TNKS: variants seen among roughly 807,000 people sequenced by gnomAD.
TNKS encodes the protein poly [ADP-ribose] polymerase tankyrase-1.
TNKS carries 72 observed loss-of-function variants against 135.8 expected under a neutral mutation model. That is an observed-to-expected ratio of 0.53 (90% CI 0.44 to 0.64). The LOEUF (loss-of-function observed/expected upper bound fraction) is 0.64, where lower values mean the gene tolerates loss of function less well. TNKS is among the 30% of genes least tolerant of loss of function. The pLI is 0.00. For synonymous variants in TNKS, 849 were observed against 649.3 expected (o/e 1.31, Z -4.68); for missense variants, 1,769 against 1,674.0 (o/e 1.06, Z -0.99).
intron 18 of TNKS, among the ~76,000 whole-genome samples, chr8:9,749,237 AC>A (rs1806392116): frequency 6.6e-6 from 1 of 152,190 alleles, no homozygotes; most frequent in Admixed American, 6.5e-5. Context: ...CCCTGTGAAT[AC>A]AAATTAAATC....
intron 2 of TNKS, among the ~76,000 whole-genome samples, chr8:9,600,789 A>G (rs2128758824): frequency 6.6e-6 from 1 of 152,328 alleles, no homozygotes; most frequent in South Asian, 2.1e-4. Flanking sequence ...TATATGAAAG[A>G]CAAAGACTTT....
chr8:9,611,060 C>T (rs1799441991), intron 2 of TNKS, among the ~76,000 whole-genome samples: 1 of 152,138 alleles, frequency 6.6e-6, no homozygotes, highest in Non-Finnish European at 1.5e-5. Flanking sequence ...ATCGTGTGTC[C>T]TTCTTGACAT....
intron 1 of TNKS, 120 bp from the exon 2 acceptor site, chr8:9,580,039 C>G: frequency 1.3e-6 from 1 of 759,992 alleles, no homozygotes. Flanking sequence ...TGTTTTACAC[C>G]ATTTACTATA....
At position 9,580,219 on chromosome 8, in the gene TNKS, G is replaced by T. The variant is rs1330658210; in HGVS notation, c.734G>T (p.Arg245Leu). Residue 245 changes from arginine (R) to leucine (L), a missense_variant, in exon 2 of 27, where the codon CGT becomes CTT. Physicochemically the swap from Arg to Leu is moderately radical, Grantham distance 102 (BLOSUM62 -2). Transcript: ENST00000310430. ...CAGATGGGTGCTAATGTCCACGCTCGTGATGATGGAGGTCTCATCCCGCTT... is the reference window on the plus strand; with the variant it reads ...CAGATGGGTGCTAATGTCCACGCTCTTGATGATGGAGGTCTCATCCCGCTT... ...LLQMGANVHA[R>L]DDGGLIPLHN... is the part of the protein sequence containing the mutation. 1 of 1,613,972 alleles carries T rather than the reference G, an allele frequency of 6.2e-7. No homozygotes were observed. The highest frequency in any genetic ancestry group is 8.5e-7 in the Non-Finnish European group (1 of 1,180,030).
intron 23 of TNKS, 57 bp downstream of exon 23, chr8:9,764,847 A>C: frequency 7.2e-7 from 1 of 1,386,916 alleles, no homozygotes; most frequent in African/African-American, 1.5e-5. Flanking sequence ...CTAAAAACCA[A>C]ATCTAGACAA....
At chr8:9,761,436 G>T (rs1807142761) in intron 20 of TNKS, 80 bp from the exon 21 acceptor site, 1 of 1,411,292 alleles carries the variant, frequency 7.1e-7, no homozygotes, top group East Asian at 2.3e-5. Context: ...GGTACTCGTA[G>T]CATTGAAGGC....
chr8:9,655,517 AC>A (rs1801322700), intron 3 of TNKS, among the ~76,000 whole-genome samples: 1 of 152,176 alleles, frequency 6.6e-6, no homozygotes, highest in Non-Finnish European at 1.5e-5. Flanking sequence ...GACACTTCAC[AC>A]GGCTGGGTAC....
chr8:9,603,790 G>A (rs1799110216), intron 2 of TNKS, among the ~76,000 whole-genome samples: 1 of 152,084 alleles, frequency 6.6e-6, no homozygotes, highest in Non-Finnish European at 1.5e-5. Flanking sequence ...TTTATCTTAT[G>A]TTCTCAAGAG....
Position 9,680,737 on chromosome 8 carries a change from A to G in TNKS, c.1044A>G (p.Glu348=). 1.2e-6 allele frequency: 2 copies of G among 1,611,838 alleles called. No homozygotes were observed. The highest frequency in any genetic ancestry group is 1.7e-6 in the Non-Finnish European group (2 of 1,178,520). Residue 348 remains glutamate, a synonymous_variant, in exon 5 of 27, where the codon GAA becomes GAG. Coordinates refer to ENST00000310430, the MANE Select transcript of TNKS (RefSeq NM_003747.3). ...TACCTTTTTATAGGAGTGGTAATGA[A>G]GAAAAACTAATGGCTTTACTGACTC... is the stretch of plus-strand genomic sequence containing the variant. ...ELLEAARSGN[E]EKLMALLTPL...
At chr8:9,732,669 A>G (rs933155196) in intron 14 of TNKS, among the ~76,000 whole-genome samples, 5 of 151,632 alleles carry the variant, frequency 3.3e-5, no homozygotes, top group African/African-American at 9.7e-5. Context: ...CTTTTGTGGG[A>G]GCATCTTTTT....
At chr8:9,636,524 T>C (rs945925455) in intron 3 of TNKS, among the ~76,000 whole-genome samples, 4 of 152,204 alleles carry the variant, frequency 2.6e-5, no homozygotes, top group Admixed American at 6.5e-5. Flanking sequence ...TGTCTTTTTT[T>C]CTATGAATAA....
chr8:9,697,148 A>C (rs139735906), intron 5 of TNKS, among the ~76,000 whole-genome samples: 1 of 152,186 alleles, frequency 6.6e-6, no homozygotes, highest in East Asian at 1.9e-4. Context: ...ATTAAGCCAC[A>C]TACCTATAAT....
At chr8:9,714,364 A>G (rs1449225486) in intron 11 of TNKS, among the ~76,000 whole-genome samples, 1 of 151,718 alleles carries the variant, frequency 6.6e-6, no homozygotes, top group Non-Finnish European at 1.5e-5. Flanking sequence ...GCATATGTAT[A>G]TAAATATGTA....
chr8:9,631,732 C>T (rs1368810059), intron 3 of TNKS, among the ~76,000 whole-genome samples: 3 of 150,112 alleles, frequency 2.0e-5, no homozygotes, highest in Non-Finnish European at 3.0e-5. Context: ...TCCAAAATAA[C>T]GCTGCAACAA....
intron 3 of TNKS, among the ~76,000 whole-genome samples, chr8:9,616,892 G>A (rs1054307832): frequency 6.6e-6 from 1 of 152,158 alleles, no homozygotes; most frequent in Non-Finnish European, 1.5e-5. Flanking sequence ...AGATTCTACA[G>A]CCTTTCAGTC....
chr8:9,657,192 G>A (rs1380791473), intron 3 of TNKS, among the ~76,000 whole-genome samples: 3 of 140,274 alleles, frequency 2.1e-5, no homozygotes, highest in African/African-American at 7.9e-5. Context: ...TCCCAGTAGG[G>A]GCGGCCGGGC....
intron 1 of TNKS, 92 bp from the exon 2 acceptor site, chr8:9,580,067 T>G: frequency 1.9e-6 from 2 of 1,044,252 alleles, no homozygotes; most frequent in Non-Finnish European, 2.9e-6. Context: ...GTACTTCAGT[T>G]GTTCATACTT....
chr8:9,562,549 T>C (rs183858255), intron 1 of TNKS, among the ~76,000 whole-genome samples: 2 of 152,322 alleles, frequency 1.3e-5, no homozygotes, highest in East Asian at 3.9e-4. Flanking sequence ...TCAATCTGCC[T>C]TTATATTTAA....
chr8:9,556,678 A>G (rs767535342), intron 1 of TNKS, 66 bp downstream of exon 1: 1 of 1,581,860 alleles, frequency 6.3e-7, no homozygotes, highest in South Asian at 1.1e-5. Flanking sequence ...TTAGGACAAG[A>G]AAACAGGTTA....
Sources: allele counts gnomAD v4.1 joint callset (sites outside exome capture counted in the v4.1 genomes callset), GRCh38; gene constraint gnomAD v4.1.1; transcripts MANE v1.5; gene names NCBI Gene and HGNC (gene_info 2026-07-23, HGNC 2026-07-21).